The following ADAM20 variants were observed in gnomAD, a reference collection of about 807,000 sequenced individuals.
ADAM20 encodes the protein ADAM metallopeptidase domain 20.
For missense variants in ADAM20, 871 were observed against 883.2 expected, an observed-to-expected ratio of 0.99 and a Z score of 0.18; for synonymous variants, 305 against 310.2, an observed-to-expected ratio of 0.98 and a Z score of 0.18.
upstream of ADAM20, among the ~76,000 whole-genome samples, chr14:70,539,976 G>A (rs368323313): frequency 2.4e-4 from 37 of 152,278 alleles, no homozygotes; most frequent in East Asian, 2.9e-3. Flanking sequence ...CTGCCGATCC[G>A]CCTGGGAACA....
chr14:70,541,715 T>A, the ADAM20 span, among the ~76,000 whole-genome samples: 1 of 152,236 alleles, frequency 6.6e-6, no homozygotes, highest in Admixed American at 6.5e-5. Context: ...CTTTGGACTA[T>A]ATTTGTATAA....
chr14:70,578,266 G>A, the ADAM20 span, among the ~76,000 whole-genome samples: 1 of 152,070 alleles, frequency 6.6e-6, no homozygotes, highest in Non-Finnish European at 1.5e-5. Flanking sequence ...TCAGTAAGTG[G>A]TGCAGGAAAA....
At chr14:70,568,545 T>C in the ADAM20 span, among the ~76,000 whole-genome samples, 2 of 152,106 alleles carry the variant, frequency 1.3e-5, no homozygotes, top group African/African-American at 2.4e-5. Flanking sequence ...ACTGAAAAAT[T>C]TGAAATGATA....
intron 1 of ADAM20, among the ~76,000 whole-genome samples, chr14:70,532,006 T>G (rs542122582): frequency 1.3e-5 from 2 of 152,032 alleles, no homozygotes; most frequent in South Asian, 4.2e-4. Context: ...AATTCAAAAT[T>G]TATAAAGAAG....
At chr14:70,562,812 A>G in the ADAM20 span, among the ~76,000 whole-genome samples, 1 of 152,126 alleles carries the variant, frequency 6.6e-6, no homozygotes, top group Non-Finnish European at 1.5e-5. Context: ...TGGAACTGTG[A>G]GTCAATTAAA....
chr14:70,529,441 T>C (rs1012679486), intron 1 of ADAM20, among the ~76,000 whole-genome samples: 1 of 152,148 alleles, frequency 6.6e-6, no homozygotes, highest in African/African-American at 2.4e-5. Flanking sequence ...CTGAGAAATG[T>C]GTTGTTAGGT....
chr14:70,525,280 C>T (rs1010611270), intron 1 of ADAM20, among the ~76,000 whole-genome samples: 1 of 152,138 alleles, frequency 6.6e-6, no homozygotes, highest in African/African-American at 2.4e-5. Context: ...GTGACACAAT[C>T]ACAGCACATT....
chr14:70,522,885 A>G lies in ADAM20; in HGVS notation c.1873T>C (p.Cys625Arg), dbSNP rs1355792311. The G allele has an allele frequency of 5.0e-6, 8 of 1,613,950 alleles. No individual in the cohort carries two copies. Among genetic ancestry groups the G allele is most frequent in the Non-Finnish European group, 6.8e-6 (8 of 1,179,960 alleles). The change falls in exon 2 of 2, where the codon TGT becomes CGT. Residue 625 changes from cysteine to arginine, a missense_variant. Transcript: ENST00000256389. ...GPEKICIRKK[C>R]ASMVHLSQAC... ...TGTGACAGATGAACCATACTGGCAC[A>G]CTTCTTACGGATGCAGATCTTTTCT...
intron 1 of ADAM20, among the ~76,000 whole-genome samples, chr14:70,527,731 A>G (rs1428325778): frequency 1.3e-5 from 2 of 151,272 alleles, no homozygotes; most frequent in Non-Finnish European, 2.9e-5. Flanking sequence ...AGATCACACC[A>G]TGTGGCTCTT....
chr14:70,543,586 A>G, the ADAM20 span, among the ~76,000 whole-genome samples: 1 of 152,242 alleles, frequency 6.6e-6, no homozygotes, highest in South Asian at 2.1e-4. Flanking sequence ...TGGTTTGGGA[A>G]CAAAATAATA....
chr14:70,568,360 G>GA, the ADAM20 span, among the ~76,000 whole-genome samples: 43,512 of 151,930 alleles, frequency 0.29, 8,160 homozygotes, highest in East Asian at 0.56. Context: ...ACCCTAAAGG[G>GA]AAAAAGGATT....
the ADAM20 span, among the ~76,000 whole-genome samples, chr14:70,577,857 T>C: frequency 1.3e-5 from 2 of 152,254 alleles, no homozygotes; most frequent in South Asian, 4.1e-4. Flanking sequence ...ACTCTTACTT[T>C]ACAGTATATT....
At chr14:70,533,674 G>A (rs1183146809) in intron 1 of ADAM20, among the ~76,000 whole-genome samples, 1 of 151,918 alleles carries the variant, frequency 6.6e-6, no homozygotes, top group Non-Finnish European at 1.5e-5. Context: ...CCTAGATGAT[G>A]GGTTGATGGG....
rs772935601 is a variant in ADAM20, at chr14:70,524,386, G to A, written c.372C>T (p.Ala124=). The change falls in exon 2 of 2, where the codon GCC becomes GCT. Residue 124 remains alanine (A), a synonymous_variant. Coordinates refer to ENST00000256389, the MANE Select transcript of ADAM20 (RefSeq NM_003814.5). ...GAAAGCCCCCAGAACAGGTACTAAG[G>A]GCAACCAAGGACTCAGGGACCCCCT... ...YVEGVPESLV[A]LSTCSGGFLG... 6.2e-7 allele frequency: 1 copy of A among 1,613,934 alleles called. No individual in the cohort carries two copies. Among genetic ancestry groups the A allele is most frequent in the Admixed American group, 1.7e-5 (1 of 59,974 alleles).
chr14:70,522,581 C>T lies in ADAM20; in HGVS notation c.2177G>A (p.Gly726Glu), dbSNP rs750467732. 3.3e-5 allele frequency: 53 copies of T among 1,593,426 alleles called. No individual in the cohort carries two copies. The highest frequency in any genetic ancestry group is 2.8e-4 in the African/African-American group (21 of 74,084). Reference protein sequence around the residue: ...KRTKSKEDEEG With the variant: ...KRTKSKEDEEE ...TCCTTCTTTTTCCCATTTCTCTTAT[C>T]CTTCTTCATCTTCTTTACTTTTTGT... The change falls in exon 2 of 2, where the codon GGA becomes GAA. Residue 726 changes from glycine (G) to glutamate (E), a missense_variant. Gly to Glu is a moderately conservative substitution (Grantham distance 98, BLOSUM62 -2). Transcript: ENST00000256389.
chr14:70,537,236 G>A (rs1400007729), upstream of ADAM20, among the ~76,000 whole-genome samples: 1 of 152,046 alleles, frequency 6.6e-6, no homozygotes, highest in East Asian at 1.9e-4. Flanking sequence ...TAACCTCAAG[G>A]GGACTGTGAG....
At chr14:70,529,544 T>C (rs184145376) in intron 1 of ADAM20, among the ~76,000 whole-genome samples, 2,724 of 152,362 alleles carry the variant, frequency 0.018, 77 homozygotes, top group African/African-American at 0.061. Flanking sequence ...GGATAGCCTA[T>C]TGTTCCTATG....
chr14:70,524,981 G>A, intron 1 of ADAM20, 48 bp from the exon 2 acceptor site: 3 of 1,477,654 alleles, frequency 2.0e-6, no homozygotes, highest in Admixed American at 2.3e-5. Context: ...GAGAAAGAGA[G>A]AGAGAAAAAA....
the ADAM20 span, among the ~76,000 whole-genome samples, chr14:70,561,327 C>T: frequency 2.9e-4 from 44 of 152,272 alleles, no homozygotes; most frequent in Non-Finnish European, 4.7e-4. Flanking sequence ...CTGGCTGTTT[C>T]TAAAAGTGTA....
Sources: gnomAD v4.1 joint callset for allele counts (sites outside exome capture counted in the v4.1 genomes callset) on GRCh38, gnomAD v4.1.1 for gene constraint, MANE v1.5 for transcripts, NCBI Gene and HGNC (gene_info 2026-07-23, HGNC 2026-07-21) for gene names.